PRKCE: variants seen among roughly 807,000 people sequenced by gnomAD.
PRKCE encodes the protein protein kinase C epsilon, also known as protein kinase C epsilon type.
A neutral mutation model predicts 85.4 loss-of-function variants in PRKCE; 16 were observed. The ratio of observed to expected loss-of-function variants is 0.19; its 90% CI spans 0.13 to 0.28. The LOEUF (loss-of-function observed/expected upper bound fraction) is 0.28. Among genes scored for constraint, PRKCE ranks in the 10% least tolerant of loss-of-function variants. The pLI, the probability that PRKCE is intolerant of heterozygous loss-of-function variation, is 1.00. For missense variants in PRKCE, 573 were observed against 975.2 expected, an observed-to-expected ratio of 0.59 and a Z score of 5.49; for synonymous variants, 388 against 371.5, an observed-to-expected ratio of 1.04 and a Z score of -0.51.
At position 45,836,915 on chromosome 2, in the gene PRKCE, G is replaced by A. The variant is rs1573551220; in HGVS notation, c.349-6085G>A. On this transcript the variant is annotated intron_variant, in intron 1 of 14. Transcript: ENST00000306156. ...CTCCACGCCTTTGTGCCTGACAGCAGATGGGAAGGGAAGTGAAACTCGAAT... is the reference window on the plus strand; with the variant it reads ...CTCCACGCCTTTGTGCCTGACAGCAAATGGGAAGGGAAGTGAAACTCGAAT... Among the ~76,000 whole-genome samples, 7 of 152,218 alleles carry A rather than the reference G, an allele frequency of 4.6e-5. No individual in the cohort carries two copies. The South Asian group carries it at 1.4e-3, about 31-fold the overall frequency.
chr2:45,963,568 C>T lies in PRKCE; in HGVS notation c.413-12861C>T, dbSNP rs767407106. Among the ~76,000 whole-genome samples the T allele has an allele frequency of 1.2e-4, 19 of 152,218 alleles. 1 individual carries two copies. Among genetic ancestry groups the T allele is most frequent in the Admixed American group, 5.2e-4 (8 of 15,284 alleles). ...AGGTGATCCGCCCACCTTGGCCTTC[C>T]GAAGTACTGAGATTACAGGCATGAG... On this transcript the variant is annotated intron_variant, in intron 2 of 14. Transcript: ENST00000306156.
chr2:45,871,102 T>C (rs1259715629), intron 2 of PRKCE, among the ~76,000 whole-genome samples: 1 of 152,198 alleles, frequency 6.6e-6, no homozygotes, highest in Non-Finnish European at 1.5e-5. Flanking sequence ...TTCCAGGGTG[T>C]CCTAGTCCTT....
At chr2:45,661,921 CT>C (rs925958898) in intron 1 of PRKCE, among the ~76,000 whole-genome samples, 1 of 152,080 alleles carries the variant, frequency 6.6e-6, no homozygotes, top group Admixed American at 6.5e-5. Context: ...TGCTTATGTC[CT>C]TTTTGAATAG....
intron 2 of PRKCE, among the ~76,000 whole-genome samples, chr2:45,904,154 T>G (rs1696796463): frequency 1.3e-5 from 2 of 152,136 alleles, no homozygotes; most frequent in South Asian, 4.1e-4. Context: ...TCTGCCCTCC[T>G]CGGCCTCCCA....
At chr2:45,696,464 G>A (rs911567520) in intron 1 of PRKCE, among the ~76,000 whole-genome samples, 1 of 152,056 alleles carries the variant, frequency 6.6e-6, no homozygotes, top group Non-Finnish European at 1.5e-5. Context: ...CTCCTGGCCT[G>A]CTCACTTCGA....
In PRKCE at chr2:46,007,617, G is replaced by A; in HGVS notation, c.1219G>A (p.Glu407Lys). ...CCAGGCCAAGCGCCTGGGCCTGGATGAGTTCAACTTCATCAAGGTGTTGGG... is the reference window on the plus strand; with the variant it reads ...CCAGGCCAAGCGCCTGGGCCTGGATAAGTTCAACTTCATCAAGGTGTTGGG... The part of the protein sequence containing the change: ...QGQAKRLGLD[E>K]FNFIKVLGKG... Residue 407 changes from glutamate (E) to lysine (K), a missense_variant, in exon 9 of 15, where the codon GAG becomes AAG. Physicochemically the swap from Glu to Lys is moderately conservative, Grantham distance 56. Transcript: ENST00000306156. 6.3e-7 allele frequency: 1 copy of A among 1,599,816 alleles called. No individual in the cohort carries two copies. Among genetic ancestry groups the A allele is most frequent in the East Asian group, 2.2e-5 (1 of 44,878 alleles).
chr2:45,816,364 T>C (rs1689041968), intron 1 of PRKCE, among the ~76,000 whole-genome samples: 1 of 151,740 alleles, frequency 6.6e-6, no homozygotes, highest in Non-Finnish European at 1.5e-5. Context: ...GTTTTTGGAG[T>C]GTCCTGGTGC....
chr2:46,055,346 G>A (rs1666467987), intron 10 of PRKCE, among the ~76,000 whole-genome samples: 2 of 152,232 alleles, frequency 1.3e-5, no homozygotes, highest in African/African-American at 4.8e-5. Flanking sequence ...GAACTCAGCG[G>A]GACCAGGTGA....
chr2:45,868,572 C>A (rs569266371), intron 2 of PRKCE, among the ~76,000 whole-genome samples: 26 of 150,612 alleles, frequency 1.7e-4, no homozygotes, highest in African/African-American at 6.1e-4. Context: ...GATCTGCCCG[C>A]CTCAGCCTCC....
intron 11 of PRKCE, among the ~76,000 whole-genome samples, chr2:46,113,116 C>T (rs544374277): frequency 2.8e-4 from 42 of 152,094 alleles, no homozygotes; most frequent in Non-Finnish European, 4.9e-4. Context: ...TTAGTGCTGC[C>T]CAAATACTTC....
chr2:45,791,177 C>T (rs1687005041), intron 1 of PRKCE, among the ~76,000 whole-genome samples: 1 of 152,218 alleles, frequency 6.6e-6, no homozygotes, highest in Non-Finnish European at 1.5e-5. Context: ...AGTTTCTGTG[C>T]CCTGCTGAAC....
In PRKCE at chr2:46,159,677, G is replaced by T. The variant is rs200660975; in HGVS notation, c.1992G>T (p.Gln664His). Reference sequence around the variant, plus strand: ...AGAATGGCGAGGACGCCATCAAGCAGCACCCATTCTTCAAAGAGATTGACT... The same window carrying T: ...AGAATGGCGAGGACGCCATCAAGCATCACCCATTCTTCAAAGAGATTGACT... ...ASQNGEDAIK[Q>H]HPFFKEIDWV... The change falls in exon 14 of 15, where the codon CAG (glutamine) becomes CAT (histidine). Residue 664 changes from glutamine to histidine, a missense_variant. This residue lies in a region of PRKCE where 72 missense variants were observed against 166.0 expected (regional missense o/e 0.43). Coordinates refer to ENST00000306156, the MANE Select transcript of PRKCE (RefSeq NM_005400.3). This position sits in a 1 kb window ranked among gnomAD's most constrained non-coding sequence, Gnocchi z 4.1. 3 of 1,599,524 alleles carry T rather than the reference G, an allele frequency of 1.9e-6. No homozygotes were observed. The highest frequency in any genetic ancestry group is 2.5e-6 in the Non-Finnish European group (3 of 1,179,878).
chr2:45,963,619 C>A (rs1221988219), intron 2 of PRKCE, among the ~76,000 whole-genome samples: 1 of 152,154 alleles, frequency 6.6e-6, no homozygotes. Flanking sequence ...ATCTTTACCT[C>A]TTTTATCCTC....
At chr2:45,732,357 CAT>C (rs1194513603) in intron 1 of PRKCE, among the ~76,000 whole-genome samples, 1 of 152,166 alleles carries the variant, frequency 6.6e-6, no homozygotes, top group African/African-American at 2.4e-5. Context: ...TGAGGTTCTT[CAT>C]ATGTTAGTAT....
intron 1 of PRKCE, among the ~76,000 whole-genome samples, chr2:45,764,715 C>T (rs1236578564): frequency 6.6e-6 from 1 of 152,080 alleles, no homozygotes; most frequent in African/African-American, 2.4e-5. Context: ...GAAATAAGCT[C>T]AAATTATTAC....
At chr2:46,096,643 C>A (rs67483019) in intron 11 of PRKCE, among the ~76,000 whole-genome samples, 1 of 152,202 alleles carries the variant, frequency 6.6e-6, no homozygotes, top group East Asian at 1.9e-4. Flanking sequence ...AAGAAACCAA[C>A]CCTGCCAGCA....
In PRKCE at chr2:46,090,596, T is replaced by C. The variant is rs114371139; in HGVS notation, c.1592+4234T>C. Among the ~76,000 whole-genome samples the C allele has an allele frequency of 6.8e-3, 1,034 of 152,314 alleles. 13 individuals are homozygous for C. Among genetic ancestry groups the C allele is most frequent in the African/African-American group, 0.024 (987 of 41,566 alleles). Reference sequence around the variant, plus strand: ...AGTGGATTGCTACCTCACAGGTATATATTTCTCCAGTCTTTGTTTGAAGCA... The same window carrying C: ...AGTGGATTGCTACCTCACAGGTATACATTTCTCCAGTCTTTGTTTGAAGCA... On this transcript the variant is annotated intron_variant, in intron 11 of 14. Coordinates refer to ENST00000306156, the MANE Select transcript of PRKCE (RefSeq NM_005400.3).
At chr2:45,982,853 A>G (rs2104580399) in intron 5 of PRKCE, among the ~76,000 whole-genome samples, 1 of 152,322 alleles carries the variant, frequency 6.6e-6, no homozygotes. Flanking sequence ...ACCTGGGACA[A>G]CGTCCCCACT....
chr2:46,025,607 C>A (rs1707044875), intron 10 of PRKCE, among the ~76,000 whole-genome samples: 1 of 152,182 alleles, frequency 6.6e-6, no homozygotes, highest in Admixed American at 6.5e-5. Flanking sequence ...CGCTCATGTG[C>A]TCCCTCTCTC....
Sources: gnomAD v4.1 joint callset for allele counts (sites outside exome capture counted in the v4.1 genomes callset) on GRCh38, gnomAD v4.1.1 for gene constraint, gnomAD v4.1.1 regional missense constraint, Gnocchi (gnomAD v3.1) non-coding constraint, MANE v1.5 for transcripts, NCBI Gene and HGNC (gene_info 2026-07-23, HGNC 2026-07-21) for gene names.